The following ADGRF5 variants were observed in gnomAD, a reference collection of about 807,000 sequenced individuals.
ADGRF5 encodes the protein adhesion G protein-coupled receptor F5.
In ADGRF5, 75 loss-of-function variants were observed where a neutral mutation model predicts 132.3. That is an observed-to-expected ratio of 0.57 (90% CI 0.47 to 0.69). The LOEUF is 0.69. Among genes scored for constraint, ADGRF5 ranks in the 30% least tolerant of loss-of-function variants. ADGRF5 has a pLI of 0.00. For synonymous variants in ADGRF5, 629 were observed against 597.6 expected (o/e 1.05, Z -0.77); for missense variants, 1,516 against 1,630.6 (o/e 0.93, Z 1.21).
intron 1 of ADGRF5, among the ~76,000 whole-genome samples, chr6:46,941,419 A>AAGAAAAGAAAAGAAAAG (rs1778061069): frequency 6.1e-5 from 3 of 49,562 alleles, no homozygotes; most frequent in African/African-American, 2.2e-4. Flanking sequence ...AAGAAAAGAA[A>AAGAAAAGAAAAGAAAAG]AGAAAAGAAA....
chr6:46,877,225 C>CTTTCTT (rs1554200284), intron 10 of ADGRF5, among the ~76,000 whole-genome samples: 3 of 131,682 alleles, frequency 2.3e-5, no homozygotes, highest in Non-Finnish European at 3.3e-5. Context: ...TTTATTTCCT[C>CTTTCTT]TCTTTCTTTC....
At chr6:46,899,588 A>C (rs886945332) in intron 3 of ADGRF5, among the ~76,000 whole-genome samples, 2 of 152,152 alleles carry the variant, frequency 1.3e-5, no homozygotes, top group Non-Finnish European at 2.9e-5. Context: ...TTGGAGTGGG[A>C]AACAGAGGAG....
intron 3 of ADGRF5, among the ~76,000 whole-genome samples, chr6:46,890,200 C>T (rs1773508266): frequency 2.6e-5 from 4 of 151,994 alleles, no homozygotes; most frequent in Admixed American, 2.6e-4. Context: ...CCAAGTGATT[C>T]TCTGGCTTCA....
intron 15 of ADGRF5, among the ~76,000 whole-genome samples, chr6:46,862,210 G>C (rs549238397): frequency 6.6e-6 from 1 of 152,278 alleles, no homozygotes; most frequent in Admixed American, 6.5e-5. Context: ...GTTGTCTGAA[G>C]ATGTCATCAT....
chr6:46,942,184 CT>C (rs1351181528), intron 1 of ADGRF5, among the ~76,000 whole-genome samples: 3 of 152,300 alleles, frequency 2.0e-5, no homozygotes, highest in African/African-American at 7.2e-5. Flanking sequence ...CCTCCTCCCC[CT>C]GTCAAAGCAC....
intron 10 of ADGRF5, among the ~76,000 whole-genome samples, chr6:46,875,217 C>T (rs2150820344): frequency 6.6e-6 from 1 of 152,264 alleles, no homozygotes; most frequent in African/African-American, 2.4e-5. Flanking sequence ...TCAGAAAACA[C>T]AAGCAGGACT....
chr6:46,916,928 C>T (rs1042685054), intron 1 of ADGRF5, among the ~76,000 whole-genome samples: 3 of 152,198 alleles, frequency 2.0e-5, no homozygotes, highest in African/African-American at 7.2e-5. Context: ...GCATTGCTAC[C>T]TTGCAGCTTC....
Position 46,868,911 on chromosome 6 carries a change from T to C in ADGRF5, c.1593A>G (p.Thr531=), listed in dbSNP as rs1318403089. ...TCCACTCCCTGGTCGAGGTCTTGACTGTCAGTACTGATTCTGCTCCATCAA... is the reference window on the plus strand; with the variant it reads ...TCCACTCCCTGGTCGAGGTCTTGACCGTCAGTACTGATTCTGCTCCATCAA... ...RYLDGAESVL[T]VKTSTREWNG... The change falls in exon 12 of 21, where the codon ACA becomes ACG. Residue 531 remains threonine (T), a synonymous_variant. Coordinates refer to ENST00000283296, the MANE Select transcript of ADGRF5 (RefSeq NM_001098518.2). The C allele has an allele frequency of 4.3e-6, 7 of 1,612,626 alleles. No homozygotes were observed. The highest frequency in any genetic ancestry group is 1.3e-5 in the African/African-American group (1 of 74,890).
chr6:46,858,129 C>T lies in ADGRF5; in HGVS notation c.3774G>A (p.Gln1258=). 6.2e-7 allele frequency: 1 copy of T among 1,606,190 alleles called. No homozygotes were observed. Among genetic ancestry groups the T allele is most frequent in the Non-Finnish European group, 8.5e-7 (1 of 1,174,914 alleles). Residue 1258 remains glutamine (Q), a splice_region_variant and synonymous_variant, in exon 17 of 21, where the codon CAG becomes CAA. Transcript: ENST00000283296. ...HIIFAILNVF[Q]GLFILLFGCL... Reference sequence around the variant, plus strand: ...GAAAGCTCCGCACTGTAAAACTCACCTGGAAGACATTGAGGATGGCAAATA... The same window carrying T: ...GAAAGCTCCGCACTGTAAAACTCACTTGGAAGACATTGAGGATGGCAAATA...
At chr6:46,927,758 C>T (rs961960139) in intron 1 of ADGRF5, among the ~76,000 whole-genome samples, 21 of 152,170 alleles carry the variant, frequency 1.4e-4, no homozygotes, top group African/African-American at 4.8e-4. Context: ...GTCCCACCCA[C>T]TTACCTAGGT....
intron 13 of ADGRF5, among the ~76,000 whole-genome samples, chr6:46,866,257 C>T (rs1770420321): frequency 6.6e-6 from 1 of 152,116 alleles, no homozygotes; most frequent in African/African-American, 2.4e-5. Flanking sequence ...TTTGTCCACC[C>T]AGAGATGAGG....
At chr6:46,881,386 C>G (rs1351507749) in intron 8 of ADGRF5, 69 bp downstream of exon 8, 19 of 1,373,828 alleles carry the variant, frequency 1.4e-5, no homozygotes, top group Non-Finnish European at 1.9e-5. Flanking sequence ...GACATTGTAG[C>G]ATAAACTAAT....
At chr6:46,951,472 C>T (rs1319178464) in intron 1 of ADGRF5, among the ~76,000 whole-genome samples, 2 of 152,188 alleles carry the variant, frequency 1.3e-5, no homozygotes, top group Admixed American at 6.5e-5. Context: ...ATACTATGCC[C>T]TTCTCCACCA....
intron 20 of ADGRF5, chr6:46,854,582 G>C: frequency 1.3e-5 from 6 of 469,310 alleles, no homozygotes; most frequent in Admixed American, 9.5e-5. Flanking sequence ...CAGAACTGCT[G>C]AGAATCAGCG....
chr6:46,945,987 C>T (rs1446095956), intron 1 of ADGRF5, among the ~76,000 whole-genome samples: 1 of 152,210 alleles, frequency 6.6e-6, no homozygotes, highest in Non-Finnish European at 1.5e-5. Context: ...TCAAATATCT[C>T]TACCTGGTCC....
At chr6:46,953,918 C>T (rs2113851800) in intron 1 of ADGRF5, among the ~76,000 whole-genome samples, 1 of 151,754 alleles carries the variant, frequency 6.6e-6, no homozygotes, top group Non-Finnish European at 1.5e-5. Flanking sequence ...AGAGTAAAGG[C>T]TGGTTGTGAA....
At chr6:46,892,609 G>A (rs1282432607) in intron 3 of ADGRF5, among the ~76,000 whole-genome samples, 2 of 152,042 alleles carry the variant, frequency 1.3e-5, no homozygotes, top group South Asian at 2.1e-4. Flanking sequence ...AATTAGCTGG[G>A]TGTGATGGCA....
chr6:46,924,984 C>G (rs1777176427), upstream of ADGRF5, among the ~76,000 whole-genome samples: 1 of 152,196 alleles, frequency 6.6e-6, no homozygotes, highest in Non-Finnish European at 1.5e-5. Flanking sequence ...TGTGCATCTC[C>G]TCTTGTCACT....
At chr6:46,859,960 T>C (rs1318828966) in intron 16 of ADGRF5, among the ~76,000 whole-genome samples, 1 of 152,080 alleles carries the variant, frequency 6.6e-6, no homozygotes, top group Non-Finnish European at 1.5e-5. Context: ...AAAATGCCTG[T>C]AATCCCAGCT....
Sources: allele counts gnomAD v4.1 joint callset (sites outside exome capture counted in the v4.1 genomes callset), GRCh38; gene constraint gnomAD v4.1.1; transcripts MANE v1.5; gene names NCBI Gene and HGNC (gene_info 2026-07-23, HGNC 2026-07-21).